The following CMTM8 variants were observed in gnomAD, a reference collection of about 807,000 sequenced individuals.
The protein encoded by CMTM8 is CKLF like MARVEL transmembrane domain containing 8, also known as CKLF-like MARVEL transmembrane domain-containing protein 8.
CMTM8 carries 12 observed loss-of-function variants against 18.6 expected under a neutral mutation model. The ratio of observed to expected loss-of-function variants is 0.65; its 90% CI spans 0.41 to 1.05. The LOEUF is 1.05. CMTM8 is among the 50% of genes least tolerant of loss of function. The probability of loss-of-function intolerance (pLI) is 0.00; values close to 1 mark genes in which losing one functional copy is unlikely to be tolerated. For synonymous variants in CMTM8, 87 were observed against 90.6 expected (o/e 0.96, Z 0.23); for missense variants, 217 against 227.2 (o/e 0.95, Z 0.29).
chr3:32,238,867 C>A lies in CMTM8; in HGVS notation c.-106C>A. 9.1e-7 allele frequency: 1 copy of A among 1,097,932 alleles called. No homozygotes were observed. The highest frequency in any genetic ancestry group is 3.3e-4 in the Middle Eastern group (1 of 3,020). The allele number at this position is 1,097,932 out of a possible 1,614,324, so 68.0% of individuals were successfully genotyped here. A position where few individuals can be genotyped will look rare whatever the true frequency, so the allele number is the denominator to read the frequency against. ...CTCGCACCTCCTGCCCCGCGCGGGC[C>A]GCGCTCCCCTCCCCCGCGCCTGTGT... On this transcript the variant is annotated 5_prime_UTR_variant, in exon 1 of 4. Coordinates refer to ENST00000307526, the MANE Select transcript of CMTM8 (RefSeq NM_178868.5).
At chr3:32,254,033 A>G (rs1702146289) in intron 1 of CMTM8, among the ~76,000 whole-genome samples, 1 of 152,118 alleles carries the variant, frequency 6.6e-6, no homozygotes, top group Non-Finnish European at 1.5e-5. Flanking sequence ...AGCTGTGATC[A>G]CAGGTGCACA....
At chr3:32,284,010 G>C (rs1162998772) in intron 1 of CMTM8, among the ~76,000 whole-genome samples, 1 of 152,198 alleles carries the variant, frequency 6.6e-6, no homozygotes, top group South Asian at 2.1e-4. Flanking sequence ...CAGCACTTTG[G>C]GGGAGCCGAG....
At chr3:32,244,915 A>C (rs1701990583) in intron 1 of CMTM8, among the ~76,000 whole-genome samples, 1 of 152,228 alleles carries the variant, frequency 6.6e-6, no homozygotes, top group Admixed American at 6.5e-5. Context: ...CTACTGGTTG[A>C]AACTGTCATC....
At chr3:32,359,589 C>T (rs529942175) in intron 2 of CMTM8, among the ~76,000 whole-genome samples, 2 of 151,802 alleles carry the variant, frequency 1.3e-5, no homozygotes, top group African/African-American at 4.8e-5. Context: ...GACTCTGTCT[C>T]AAAACAAAAC....
At chr3:32,260,915 C>A (rs1702248107) in intron 1 of CMTM8, among the ~76,000 whole-genome samples, 1 of 152,104 alleles carries the variant, frequency 6.6e-6, no homozygotes, top group African/African-American at 2.4e-5. Context: ...TCCTCAAGGT[C>A]TTTCCCAGTC....
At chr3:32,277,724 A>G (rs1200240790) in intron 1 of CMTM8, among the ~76,000 whole-genome samples, 1 of 152,230 alleles carries the variant, frequency 6.6e-6, no homozygotes, top group Non-Finnish European at 1.5e-5. Flanking sequence ...TGGCCTATAC[A>G]GTGTTGAAAA....
intron 1 of CMTM8, among the ~76,000 whole-genome samples, chr3:32,351,006 A>C (rs1575091010): frequency 2.0e-5 from 3 of 152,304 alleles, no homozygotes; most frequent in Admixed American, 2.0e-4. Flanking sequence ...TTCCTATTCA[A>C]ACCATCCTCT....
intron 1 of CMTM8, among the ~76,000 whole-genome samples, chr3:32,321,594 T>C (rs113182798): frequency 6.6e-6 from 1 of 152,008 alleles, no homozygotes; most frequent in East Asian, 1.9e-4. Context: ...CTGCTGCCTG[T>C]TTTTAGATTT....
rs140358191 is a variant in CMTM8, at chr3:32,305,204, C to G, written c.148-52169C>G. 2.1e-3 allele frequency among the ~76,000 whole-genome samples: 312 copies of G among 149,490 alleles called. 1 individual carries two copies. The highest frequency in any genetic ancestry group is 6.6e-3 in the African/African-American group (267 of 40,748). The stretch of plus-strand genomic sequence containing the variant: ...CTCAGTCAGGGTGCAGTTTTTTTCC[C>G]TAGGGAACATTTGGTAATGACTGGA... On this transcript the variant is annotated intron_variant, in intron 1 of 3. Coordinates refer to ENST00000307526, the MANE Select transcript of CMTM8 (RefSeq NM_178868.5).
chr3:32,314,480 ATTT>A (rs57318880), intron 1 of CMTM8, among the ~76,000 whole-genome samples: 2 of 146,728 alleles, frequency 1.4e-5, no homozygotes. Flanking sequence ...AAGCCAGAAA[ATTT>A]TTTTTTTTTT....
At chr3:32,357,680 A>AT (rs1696843327) in intron 2 of CMTM8, 134 bp downstream of exon 2, 1 of 803,856 alleles carries the variant, frequency 1.2e-6, no homozygotes, top group African/African-American at 1.7e-5. Context: ...AACACAGCAG[A>AT]TAATCTCAGC....
intron 1 of CMTM8, among the ~76,000 whole-genome samples, chr3:32,240,574 C>G (rs531726250): frequency 1.9e-3 from 295 of 152,264 alleles, no homozygotes; most frequent in Non-Finnish European, 3.4e-3. Context: ...TCGATATGCT[C>G]TGTGTACTGC....
rs531312258 is a variant in CMTM8 at position 32,248,425 on chromosome 3, G to A, written c.147+9306G>A. ...TGCCCAGGCTGGGGTGCGGTAGCGC[G>A]ATCTTGGCTCACTGCAACCTCCGCC... is the stretch of plus-strand genomic sequence containing the variant. On this transcript the variant is annotated intron_variant, in intron 1 of 3. Transcript: ENST00000307526. Among the ~76,000 whole-genome samples, 15 of 152,112 alleles carry A rather than the reference G, an allele frequency of 9.9e-5. No homozygotes were observed. In the East Asian group the frequency reaches 2.3e-3, roughly 24 times the overall value.
intron 1 of CMTM8, among the ~76,000 whole-genome samples, chr3:32,318,366 A>C (rs1441212568): frequency 1.3e-5 from 2 of 151,950 alleles, no homozygotes; most frequent in Non-Finnish European, 2.9e-5. Context: ...AATTAGAAGG[A>C]ATTCAACCCA....
intron 1 of CMTM8, among the ~76,000 whole-genome samples, chr3:32,295,493 G>T (rs114643925): frequency 0.042 from 4,824 of 115,788 alleles, 145 homozygotes; most frequent in Admixed American, 0.093. Context: ...ACAAAACAGC[G>T]GAAAGAGAAA....
chr3:32,297,163 T>C (rs1395013796), intron 1 of CMTM8, among the ~76,000 whole-genome samples: 1 of 152,166 alleles, frequency 6.6e-6, no homozygotes, highest in Non-Finnish European at 1.5e-5. Flanking sequence ...TCTAGGGATA[T>C]CTAAACTTTA....
At chr3:32,325,453 T>A (rs1223744119) in intron 1 of CMTM8, among the ~76,000 whole-genome samples, 1 of 152,212 alleles carries the variant, frequency 6.6e-6, no homozygotes, top group Non-Finnish European at 1.5e-5. Flanking sequence ...TCTCTTTTTT[T>A]AAGACTCAAT....
intron 1 of CMTM8, chr3:32,244,092 A>T: frequency 6.4e-6 from 1 of 156,136 alleles, no homozygotes; most frequent in Non-Finnish European, 1.4e-5. Flanking sequence ...ACGTGAGGAG[A>T]GGGAGCTGTG....
intron 1 of CMTM8, among the ~76,000 whole-genome samples, chr3:32,280,880 A>G (rs1266120493): frequency 6.8e-6 from 1 of 147,084 alleles, no homozygotes; most frequent in Admixed American, 6.9e-5. Context: ...AGTGACAATT[A>G]TATTTGGAAC....
Sources: allele counts gnomAD v4.1 joint callset (sites outside exome capture counted in the v4.1 genomes callset), GRCh38; gene constraint gnomAD v4.1.1; transcripts MANE v1.5; gene names NCBI Gene and HGNC (gene_info 2026-07-23, HGNC 2026-07-21).